Variants in NSD1 observed in about 807,000 individuals in gnomAD.
NSD1 encodes the protein histone-lysine N-methyltransferase, H3 lysine-36 specific.
NSD1 carries 26 observed loss-of-function variants against 242.7 expected under a neutral mutation model. That is an observed-to-expected ratio of 0.11 (90% CI 0.08 to 0.15). NSD1 has a LOEUF of 0.15. Among genes scored for constraint, NSD1 ranks in the 10% least tolerant of loss-of-function variants. The probability of loss-of-function intolerance (pLI) is 1.00; values close to 1 mark genes in which losing one functional copy is unlikely to be tolerated. For synonymous variants in NSD1, 1,106 were observed against 1,178.1 expected (o/e 0.94, Z 1.25); for missense variants, 2,495 against 3,272.8 (o/e 0.76, Z 5.80).
chr5:177,154,976 G>A (rs565024653), intron 2 of NSD1, among the ~76,000 whole-genome samples: 40 of 150,466 alleles, frequency 2.7e-4, no homozygotes, highest in Middle Eastern at 3.5e-3. Flanking sequence ...GATTACAGGC[G>A]TGAGGCACCG....
chr5:177,184,942 G>A (rs1045526504), intron 2 of NSD1, among the ~76,000 whole-genome samples: 3 of 152,024 alleles, frequency 2.0e-5, no homozygotes, highest in African/African-American at 4.8e-5. Flanking sequence ...AGTAGGCTTT[G>A]GATATCATAT....
chr5:177,206,991 C>T (rs1762922966), intron 4 of NSD1, among the ~76,000 whole-genome samples: 1 of 151,860 alleles, frequency 6.6e-6, no homozygotes. Context: ...AGCTGGAATG[C>T]AGTGGCATGA....
At chr5:177,138,872 C>T (rs1429039846) in intron 2 of NSD1, among the ~76,000 whole-genome samples, 2 of 150,630 alleles carry the variant, frequency 1.3e-5, no homozygotes, top group African/African-American at 4.9e-5. Flanking sequence ...CTCCTGACCT[C>T]AGGTGATCCA....
At chr5:177,260,844 T>C (rs1184928495) in intron 14 of NSD1, among the ~76,000 whole-genome samples, 1 of 152,190 alleles carries the variant, frequency 6.6e-6, no homozygotes, top group Non-Finnish European at 1.5e-5. Context: ...TTCATGCATG[T>C]CAGCAGATAG....
intron 5 of NSD1, among the ~76,000 whole-genome samples, chr5:177,221,524 T>G (rs908420941): frequency 2.0e-5 from 3 of 151,916 alleles, no homozygotes; most frequent in African/African-American, 7.3e-5. Flanking sequence ...CAGGCTGGAG[T>G]GCAGTGGTAC....
intron 2 of NSD1, among the ~76,000 whole-genome samples, chr5:177,174,309 G>A (rs911878520): frequency 1.3e-5 from 2 of 152,130 alleles, no homozygotes; most frequent in Non-Finnish European, 1.5e-5. Context: ...AGCCGAGATC[G>A]CGCCACTGCA....
rs192163729 is a variant in NSD1, at chr5:177,182,698, G to A, written c.928-9186G>A. 8.4e-4 allele frequency among the ~76,000 whole-genome samples: 128 copies of A among 151,890 alleles called. 1 individual carries two copies. Among genetic ancestry groups the A allele is most frequent in the African/African-American group, 3.0e-3 (126 of 41,408 alleles). ...GTCACCTAGGCTGGAGTGCAATGGC[G>A]CAATCTCAGCTCACTGTAACCTTCC... On this transcript the variant is annotated intron_variant, in intron 2 of 22. Transcript: ENST00000439151.
rs1760283183 is a variant in NSD1 at position 177,296,788 on chromosome 5, C to T, written c.*1329C>T. The stretch of plus-strand genomic sequence containing the variant: ...GGAAATCTGTTGGTGCTACCCTGCC[C>T]TACCATTCACCCAGCTCACAGACTG... On this transcript the variant is annotated 3_prime_UTR_variant, in exon 23 of 23. Coordinates refer to ENST00000439151, the MANE Select transcript of NSD1 (RefSeq NM_022455.5). 4.3e-6 allele frequency: 1 copy of T among 233,244 alleles called. No individual in the cohort carries two copies. Among genetic ancestry groups the T allele is most frequent in the South Asian group, 1.8e-4 (1 of 5,536 alleles). 14.4% of individuals were successfully genotyped at this position (233,244 alleles called of 1,614,324 possible). A position where few individuals can be genotyped will look rare whatever the true frequency, so the allele number is the denominator to read the frequency against.
At position 177,135,216 on chromosome 5, in the gene NSD1, A is replaced by G. The variant is rs368524494; in HGVS notation, c.113A>G (p.Asn38Ser). Residue 38 changes from asparagine (N) to serine (S), a missense_variant, in exon 2 of 23, where the codon AAT (asparagine) becomes AGT (serine). Asn to Ser is a conservative substitution (Grantham distance 46). This residue lies in a region of NSD1 where 376 missense variants were observed against 367.4 expected (regional missense o/e 1.02). Transcript: ENST00000439151. Reference sequence around the variant, plus strand: ...AGCCCTTTCGGTAATGGTCAATCCAATTTTTCTGAGCCACTTAATGGGTGT... The same window carrying G: ...AGCCCTTTCGGTAATGGTCAATCCAGTTTTTCTGAGCCACTTAATGGGTGT... ...KDSPFGNGQS[N>S]FSEPLNGCTM... 1.5e-5 allele frequency: 24 copies of G among 1,613,108 alleles called. No homozygotes were observed. Among genetic ancestry groups the G allele is most frequent in the Middle Eastern group, 1.6e-4 (1 of 6,082 alleles).
chr5:177,284,012 T>G (rs1562296575), intron 20 of NSD1, 84 bp downstream of exon 20: 1 of 1,506,460 alleles, frequency 6.6e-7, no homozygotes, highest in Non-Finnish European at 9.2e-7. Context: ...AGATTATAAT[T>G]TTAAACATTT....
intron 2 of NSD1, among the ~76,000 whole-genome samples, chr5:177,153,997 A>G (rs1010841902): frequency 2.6e-5 from 4 of 152,060 alleles, no homozygotes; most frequent in Admixed American, 2.6e-4. Flanking sequence ...GCTTAGCTGG[A>G]TGGTGCTGGC....
chr5:177,139,166 A>G (rs1254060557), intron 2 of NSD1, among the ~76,000 whole-genome samples: 2 of 151,662 alleles, frequency 1.3e-5, no homozygotes, highest in South Asian at 4.2e-4. Flanking sequence ...CAGGAGAATC[A>G]CTTGAACCCG....
intron 2 of NSD1, among the ~76,000 whole-genome samples, chr5:177,139,434 G>C (rs1256372212): frequency 7.1e-6 from 1 of 140,498 alleles, no homozygotes; most frequent in Non-Finnish European, 1.5e-5. Flanking sequence ...GACAGAGGGA[G>C]ACTCCATCTC....
intron 2 of NSD1, among the ~76,000 whole-genome samples, chr5:177,161,584 A>AT (rs1758752191): frequency 6.6e-6 from 1 of 151,280 alleles, no homozygotes; most frequent in African/African-American, 2.4e-5. Flanking sequence ...CTAGGCCTCT[A>AT]TTTTTTGTGC....
At chr5:177,181,089 A>G (rs1424399776) in intron 2 of NSD1, among the ~76,000 whole-genome samples, 27 of 148,750 alleles carry the variant, frequency 1.8e-4, no homozygotes, top group Non-Finnish European at 1.8e-4. Context: ...CTCAGGCTGG[A>G]GTGCAGTGGT....
rs902866369 is a variant in NSD1, at chr5:177,296,029, C to T, written c.*570C>T. 3.0e-5 allele frequency: 8 copies of T among 263,334 alleles called. No individual in the cohort carries two copies. In the East Asian group the frequency reaches 4.3e-4, roughly 14 times the overall value. 16.3% of individuals were successfully genotyped at this position (263,334 alleles called of 1,614,324 possible). On this transcript the variant is annotated 3_prime_UTR_variant, in exon 23 of 23. Transcript: ENST00000439151. ...GGAAGTAACAGGAAGTTCTGAGGGG[C>T]CCTGGGGCTTTAGACTCATTTTGAA...
At position 177,295,556 on chromosome 5, in the gene NSD1, C is replaced by T. The variant is rs193010809; in HGVS notation, c.*97C>T. The stretch of plus-strand genomic sequence containing the variant: ...CTTTCCCCCTTAAAAAAAAACACAT[C>T]TGCCCCGAACACTTTCCCACTGTTA... On this transcript the variant is annotated 3_prime_UTR_variant, in exon 23 of 23. Transcript: ENST00000439151. The surrounding 1 kb of genome is among the most constrained non-coding windows in gnomAD (Gnocchi z 4.3). 50 of 1,215,776 alleles carry T rather than the reference C, an allele frequency of 4.1e-5. 1 individual carries two copies. In the East Asian group the frequency reaches 1.2e-3, roughly 29 times the overall value. 75.3% of individuals were successfully genotyped at this position (1,215,776 alleles called of 1,614,324 possible). A position where few individuals can be genotyped will look rare whatever the true frequency, so the allele number is the denominator to read the frequency against.
chr5:177,177,711 T>C (rs1760323255), intron 2 of NSD1, among the ~76,000 whole-genome samples: 1 of 152,082 alleles, frequency 6.6e-6, no homozygotes. Flanking sequence ...TGTGAGAACC[T>C]ATATGTATGG....
intron 2 of NSD1, among the ~76,000 whole-genome samples, chr5:177,179,581 A>C (rs561937760): frequency 6.6e-6 from 1 of 152,218 alleles, no homozygotes; most frequent in Non-Finnish European, 1.5e-5. Context: ...TAAAACATAG[A>C]AAAAAAGATG....
Sources: gnomAD v4.1 joint callset for allele counts (sites outside exome capture counted in the v4.1 genomes callset) on GRCh38, gnomAD v4.1.1 for gene constraint, gnomAD v4.1.1 regional missense constraint, Gnocchi (gnomAD v3.1) non-coding constraint, MANE v1.5 for transcripts, NCBI Gene and HGNC (gene_info 2026-07-23, HGNC 2026-07-21) for gene names.